ASIC2: variants seen among roughly 807,000 people sequenced by gnomAD.
ASIC2 encodes the protein acid-sensing ion channel 2.
A neutral mutation model predicts 57.3 loss-of-function variants in ASIC2; 25 were observed. The observed-to-expected ratio is 0.44, with a 90% confidence interval of 0.32 to 0.61. The LOEUF (loss-of-function observed/expected upper bound fraction) is 0.61, where lower values mean the gene tolerates loss of function less well. ASIC2 is among the 20% of genes least tolerant of loss of function. The pLI, the probability that ASIC2 is intolerant of heterozygous loss-of-function variation, is 0.06. For missense variants in ASIC2, 641 were observed against 738.1 expected (o/e 0.87, Z 1.52); for synonymous variants, 319 against 307.5 (o/e 1.04, Z -0.39).
At chr17:33,038,713 G>T (rs1326888760) in intron 3 of ASIC2, among the ~76,000 whole-genome samples, 1 of 152,216 alleles carries the variant, frequency 6.6e-6, no homozygotes, top group Non-Finnish European at 1.5e-5. Context: ...TCCACTGTCT[G>T]GAGCTTCTCT....
At chr17:33,731,919 A>G (rs1249107679) in intron 1 of ASIC2, among the ~76,000 whole-genome samples, 2 of 152,166 alleles carry the variant, frequency 1.3e-5, no homozygotes, top group Non-Finnish European at 2.9e-5. Context: ...TGATATGTGT[A>G]CCCAACAGGG....
chr17:33,214,712 C>T (rs1357590843), intron 1 of ASIC2, among the ~76,000 whole-genome samples: 1 of 152,064 alleles, frequency 6.6e-6, no homozygotes. Flanking sequence ...TGCTGTTGAT[C>T]CCAGAGTCAC....
At chr17:33,327,397 T>C (rs934215682) in intron 1 of ASIC2, among the ~76,000 whole-genome samples, 2 of 152,228 alleles carry the variant, frequency 1.3e-5, no homozygotes, top group African/African-American at 4.8e-5. Flanking sequence ...CAGCATCCTA[T>C]ACATTGGATA....
At chr17:33,655,178 C>T (rs756820358) in intron 1 of ASIC2, among the ~76,000 whole-genome samples, 2 of 152,190 alleles carry the variant, frequency 1.3e-5, no homozygotes, top group African/African-American at 2.4e-5. Flanking sequence ...CCTGGTGCCT[C>T]GGGAAAGCCC....
At chr17:33,312,554 ATGAG>A (rs771655515) in intron 1 of ASIC2, among the ~76,000 whole-genome samples, 54 of 152,206 alleles carry the variant, frequency 3.5e-4, no homozygotes, top group Non-Finnish European at 6.2e-4. Context: ...CAGCCATGCT[ATGAG>A]TAAGAAGAGG....
chr17:33,859,905 G>A (rs1914061039), intron 1 of ASIC2, among the ~76,000 whole-genome samples: 1 of 152,170 alleles, frequency 6.6e-6, no homozygotes, highest in African/African-American at 2.4e-5. Context: ...GGCTGGTCTT[G>A]AACTTCTGTG....
chr17:33,861,760 G>A (rs1914107320), intron 1 of ASIC2, among the ~76,000 whole-genome samples: 1 of 152,182 alleles, frequency 6.6e-6, no homozygotes. Context: ...GTATAGGAAA[G>A]TTCTGTGTGC....
Position 33,323,317 on chromosome 17 carries a change from G to A in ASIC2, c.556-211250C>T, listed in dbSNP as rs372309577. On this transcript the variant is annotated intron_variant, in intron 1 of 9. Transcript: ENST00000359872. ...CATGCAGAATGAATAAATAAATTGC[G>A]GTATAGTCATACAGTAGAGTACTAT... Among the ~76,000 whole-genome samples the A allele has an allele frequency of 2.1e-3, 321 of 152,188 alleles. 9 individuals are homozygous for A. In the South Asian group the frequency reaches 0.06, roughly 28 times the overall value.
At chr17:33,442,848 ATT>A (rs758499798) in intron 1 of ASIC2, among the ~76,000 whole-genome samples, 1 of 152,076 alleles carries the variant, frequency 6.6e-6, no homozygotes, top group South Asian at 2.1e-4. Flanking sequence ...ACATTCTTGC[ATT>A]TTCTCTGATT....
At chr17:33,819,023 G>A (rs1257704130) in intron 1 of ASIC2, among the ~76,000 whole-genome samples, 1 of 152,190 alleles carries the variant, frequency 6.6e-6, no homozygotes, top group Non-Finnish European at 1.5e-5. Flanking sequence ...TCATGCTTGT[G>A]GGGTGGGGAG....
intron 1 of ASIC2, among the ~76,000 whole-genome samples, chr17:33,758,969 T>C (rs1480980431): frequency 6.8e-6 from 1 of 147,692 alleles, no homozygotes; most frequent in African/African-American, 2.5e-5. Flanking sequence ...TGATAACAGA[T>C]ACCTGAAAAT....
intron 1 of ASIC2, among the ~76,000 whole-genome samples, chr17:33,117,144 G>C (rs569035812): frequency 2.4e-4 from 36 of 152,036 alleles, no homozygotes; most frequent in Non-Finnish European, 4.6e-4. Context: ...ATGAGCCACA[G>C]TGCCTGACCT....
intron 1 of ASIC2, among the ~76,000 whole-genome samples, chr17:33,987,721 A>G (rs374039401): frequency 1.3e-5 from 2 of 152,188 alleles, no homozygotes; most frequent in South Asian, 2.1e-4. Context: ...TGAAAGTGCC[A>G]AGGAATGACC....
chr17:33,536,819 C>A (rs1198916154), intron 1 of ASIC2, among the ~76,000 whole-genome samples: 1 of 152,102 alleles, frequency 6.6e-6, no homozygotes, highest in East Asian at 1.9e-4. Flanking sequence ...CCAACCTGGG[C>A]AACATGGTAA....
intron 1 of ASIC2, chr17:33,291,168 G>C: frequency 1.3e-6 from 1 of 754,844 alleles, no homozygotes; most frequent in Non-Finnish European, 1.9e-6. Context: ...ACACTGGAAG[G>C]AGGGGCTGGG....
intron 1 of ASIC2, among the ~76,000 whole-genome samples, chr17:33,898,263 T>G (rs1271219317): frequency 8.2e-6 from 1 of 121,264 alleles, no homozygotes; most frequent in Non-Finnish European, 1.7e-5. Flanking sequence ...TGAGACTGAG[T>G]CTCGCTCTGT....
intron 1 of ASIC2, among the ~76,000 whole-genome samples, chr17:33,838,070 G>T (rs1913326114): frequency 6.6e-6 from 1 of 152,130 alleles, no homozygotes; most frequent in South Asian, 2.1e-4. Flanking sequence ...ACTGCTGCTT[G>T]AGTCTAATAA....
chr17:33,642,660 T>G (rs3115693), intron 1 of ASIC2, among the ~76,000 whole-genome samples: 118,856 of 152,112 alleles, frequency 0.78, 46,799 homozygotes, highest in African/African-American at 0.87. Context: ...CCCTTTGCTG[T>G]CCTTTCAGTT....
chr17:34,098,811 C>G (rs1008809587), intron 1 of ASIC2, among the ~76,000 whole-genome samples: 1 of 152,168 alleles, frequency 6.6e-6, no homozygotes, highest in Admixed American at 6.5e-5. Flanking sequence ...CTACCCTATA[C>G]CCATCCAGAA....
Sources: allele counts gnomAD v4.1 joint callset (sites outside exome capture counted in the v4.1 genomes callset), GRCh38; gene constraint gnomAD v4.1.1; transcripts MANE v1.5; gene names NCBI Gene and HGNC (gene_info 2026-07-23, HGNC 2026-07-21).